Variants in COL5A2 observed in about 807,000 individuals in gnomAD.
COL5A2 encodes the protein collagen alpha-2(V) chain.
In COL5A2, 23 loss-of-function variants were observed where a neutral mutation model predicts 208.2. The ratio of observed to expected loss-of-function variants is 0.11; its 90% confidence interval spans 0.08 to 0.16. The LOEUF (loss-of-function observed/expected upper bound fraction) is 0.16, where lower values mean the gene tolerates loss of function less well. COL5A2 is among the 10% of genes least tolerant of loss of function. The probability of loss-of-function intolerance (pLI) is 1.00; values close to 1 mark genes in which losing one functional copy is unlikely to be tolerated. For missense variants in COL5A2, 1,590 were observed against 1,956.4 expected, an observed-to-expected ratio of 0.81 and a Z score of 3.53; for synonymous variants, 625 against 628.5, an observed-to-expected ratio of 0.99 and a Z score of 0.08.
chr2:189,409,502 G>A, the COL5A2 span, among the ~76,000 whole-genome samples: 1 of 152,018 alleles, frequency 6.6e-6, no homozygotes, highest in Non-Finnish European at 1.5e-5. Context: ...TCGTTAGTTT[G>A]TCATTAATAC....
chr2:189,360,650 T>C, the COL5A2 span, among the ~76,000 whole-genome samples: 1 of 151,878 alleles, frequency 6.6e-6, no homozygotes, highest in East Asian at 1.9e-4. Context: ...CTGGGATACA[T>C]GTGCAAGATG....
the COL5A2 span, among the ~76,000 whole-genome samples, chr2:189,424,947 A>C: frequency 6.6e-6 from 1 of 152,218 alleles, no homozygotes; most frequent in Non-Finnish European, 1.5e-5. Flanking sequence ...CGTGGTACTA[A>C]CATAAAAACA....
In COL5A2 at chr2:189,058,507, C is replaced by T. The variant is rs1259406230; in HGVS notation, c.2151G>A (p.Gly717=). Residue 717 remains glycine (G), a synonymous_variant, in exon 33 of 54, where the codon GGG becomes GGA. Transcript: ENST00000374866. ...CAGTTATCCCAGGTTCTCCTCTTTC[C>T]CCAGGATTTCCTCGTTCTCCCTAGC... ...LGPRGERGNP[G]ERGEPGITGL... The T allele has an allele frequency of 6.2e-7, 1 of 1,613,826 alleles. No homozygotes were observed. The highest frequency in any genetic ancestry group is 1.3e-5 in the African/African-American group (1 of 74,896).
chr2:189,357,703 C>T, the COL5A2 span, among the ~76,000 whole-genome samples: 2 of 151,174 alleles, frequency 1.3e-5, no homozygotes, highest in East Asian at 3.9e-4. Flanking sequence ...TGGCTTCAGC[C>T]CCCTTTCCCA....
chr2:189,089,492 G>T (rs1215387304), intron 7 of COL5A2, among the ~76,000 whole-genome samples: 1 of 152,168 alleles, frequency 6.6e-6, no homozygotes, highest in East Asian at 1.9e-4. Flanking sequence ...AGAAAAATGT[G>T]TATGAACTTT....
At chr2:189,048,309 A>G (rs1185661014) in intron 44 of COL5A2, 47 bp from the exon 45 acceptor site, 1 of 1,552,156 alleles carries the variant, frequency 6.4e-7, no homozygotes, top group African/African-American at 1.4e-5. Flanking sequence ...AGTAATGAAA[A>G]AAATCCTCAT....
Position 189,136,609 on chromosome 2 carries a change from T to G in COL5A2, c.98-26160A>C, listed in dbSNP as rs931550463. Among the ~76,000 whole-genome samples the G allele has an allele frequency of 4.0e-5, 6 of 151,312 alleles. No homozygotes were observed. In the Middle Eastern group the frequency reaches 0.021, roughly 525 times the overall value. ...AGACAGACATAAACACTATGAAATT[T>G]TATGATGCTAACAATAATACAATGA... On this transcript the variant is annotated intron_variant, in intron 1 of 53. Coordinates refer to ENST00000374866, the MANE Select transcript of COL5A2 (RefSeq NM_000393.5).
chr2:189,335,850 A>G, the COL5A2 span, among the ~76,000 whole-genome samples: 1 of 152,132 alleles, frequency 6.6e-6, no homozygotes, highest in Non-Finnish European at 1.5e-5. Context: ...TGGTTGCACA[A>G]CTTTGTGAAT....
At chr2:189,256,320 G>A in the COL5A2 span, among the ~76,000 whole-genome samples, 3 of 152,162 alleles carry the variant, frequency 2.0e-5, no homozygotes, top group Non-Finnish European at 4.4e-5. Flanking sequence ...TATCTTGGAG[G>A]ACACTTATAC....
the COL5A2 span, among the ~76,000 whole-genome samples, chr2:189,373,466 C>T: frequency 6.6e-6 from 1 of 152,150 alleles, no homozygotes; most frequent in African/African-American, 2.4e-5. Flanking sequence ...AATATGACCC[C>T]TGAGGGTCAA....
At chr2:189,207,866 T>C (rs1193399906) in intron 1 of COL5A2, among the ~76,000 whole-genome samples, 1 of 152,160 alleles carries the variant, frequency 6.6e-6, no homozygotes, top group African/African-American at 2.4e-5. Context: ...AATTTTTTTC[T>C]CACTGTTTCT....
At chr2:189,171,320 A>G (rs1688569565) in intron 1 of COL5A2, among the ~76,000 whole-genome samples, 1 of 152,188 alleles carries the variant, frequency 6.6e-6, no homozygotes, top group South Asian at 2.1e-4. Flanking sequence ...GGTAAATACA[A>G]AATTAGATAG....
rs1438471798 is a variant in COL5A2, at chr2:189,095,109, CA to C, written c.456+2167del. The C allele has an allele frequency of 4.7e-5, 7 of 147,618 alleles. No individual in the cohort carries two copies. The Admixed American group carries it at 4.9e-4, about 10-fold the overall frequency. 9.1% of individuals were successfully genotyped at this position (147,618 alleles called of 1,614,324 possible). ...GTTAACAGTGAGAAACCATGCTGTA[CA>C]TTGTGAGCCTTCCGTACTGTTTGAT... On this transcript the variant is annotated intron_variant, in intron 6 of 53. Transcript: ENST00000374866.
chr2:189,048,829 C>G (rs751772168), intron 44 of COL5A2, among the ~76,000 whole-genome samples: 1 of 151,978 alleles, frequency 6.6e-6, no homozygotes, highest in Non-Finnish European at 1.5e-5. Flanking sequence ...GAGGATATTC[C>G]AGCCTTTAAC....
the COL5A2 span, among the ~76,000 whole-genome samples, chr2:189,327,889 G>A: frequency 6.6e-6 from 1 of 152,154 alleles, no homozygotes; most frequent in Non-Finnish European, 1.5e-5. Flanking sequence ...AATTATCACA[G>A]CATGAAATAT....
At chr2:189,362,290 G>A in the COL5A2 span, among the ~76,000 whole-genome samples, 2 of 151,974 alleles carry the variant, frequency 1.3e-5, no homozygotes, top group Admixed American at 6.6e-5. Context: ...GGCTTTATAA[G>A]GCCACCAGGC....
chr2:189,353,794 T>C, the COL5A2 span, among the ~76,000 whole-genome samples: 1 of 152,190 alleles, frequency 6.6e-6, no homozygotes, highest in African/African-American at 2.4e-5. Context: ...TTCTATTGCC[T>C]GATTGCCCTA....
chr2:189,364,091 G>T, the COL5A2 span, among the ~76,000 whole-genome samples: 1 of 152,220 alleles, frequency 6.6e-6, no homozygotes, highest in Non-Finnish European at 1.5e-5. Context: ...AGTCAAAAGA[G>T]AAGTAATCTG....
At position 189,036,767 on chromosome 2, in the gene COL5A2, T is replaced by G; in HGVS notation, c.3962A>C (p.Glu1321Ala). The G allele has an allele frequency of 1.9e-6, 3 of 1,613,574 alleles. No homozygotes were observed. The highest frequency in any genetic ancestry group is 2.5e-6 in the Non-Finnish European group (3 of 1,179,628). The change falls in exon 52 of 54, where the codon GAA (glutamate) becomes GCA (alanine). Residue 1321 changes from glutamate (E) to alanine (A), a missense_variant. Physicochemically the swap from Glu to Ala is moderately radical, Grantham distance 107. Transcript: ENST00000374866. ...YWIDPNQGSVEDAIKVYCNME... is the reference protein window; with the variant it reads ...YWIDPNQGSVADAIKVYCNME... The stretch of plus-strand genomic sequence containing the variant: ...GTTGCAGTAAACTTTGATTGCATCT[T>G]CAACAGATCCTTGGTTAGGATCAAT...
Sources: gnomAD v4.1 joint callset for allele counts (sites outside exome capture counted in the v4.1 genomes callset) on GRCh38, gnomAD v4.1.1 for gene constraint, MANE v1.5 for transcripts, NCBI Gene and HGNC (gene_info 2026-07-23, HGNC 2026-07-21) for gene names.